The following ASL variants were observed in gnomAD, a reference collection of about 807,000 sequenced individuals.
ASL encodes argininosuccinase.
In ASL, 51 loss-of-function variants were observed where a neutral mutation model predicts 69.1. The ratio of observed to expected loss-of-function variants is 0.74; its 90% CI spans 0.59 to 0.93. The LOEUF (loss-of-function observed/expected upper bound fraction) is 0.93. Among genes scored for constraint, ASL ranks in the 40% least tolerant of loss-of-function variants. The pLI, the probability that ASL is intolerant of heterozygous loss-of-function variation, is 0.00. For synonymous variants in ASL, 241 were observed against 247.6 expected, an observed-to-expected ratio of 0.97 and a Z score of 0.25; for missense variants, 540 against 623.9, an observed-to-expected ratio of 0.87 and a Z score of 1.43.
Position 66,080,333 on chromosome 7 carries a change from C to T in ASL, c.13-1470C>T, listed in dbSNP as rs1328148170. Among the ~76,000 whole-genome samples, 6 of 142,850 alleles carry T rather than the reference C, an allele frequency of 4.2e-5. 1 individual carries two copies. The Admixed American group carries it at 4.4e-4, about 11-fold the overall frequency. The allele number at this position is 142,850 out of a possible 152,430, so 93.7% of individuals were successfully genotyped here. A position where few individuals can be genotyped will look rare whatever the true frequency, so the allele number is the denominator to read the frequency against. The stretch of plus-strand genomic sequence containing the variant: ...TCTGGGAGGTGGAGCTTGCAGTGAG[C>T]CAAGATCCTGCCACTGCACTCCAGC... On this transcript the variant is annotated intron_variant, in intron 2 of 16. Coordinates refer to ENST00000304874, the MANE Select transcript of ASL (RefSeq NM_000048.4).
rs746909164 is a variant in ASL at position 66,092,678 on chromosome 7, CT to C, written c.1250+17del. On this transcript the variant is annotated intron_variant, in intron 16 of 16. Coordinates refer to ENST00000304874, the MANE Select transcript of ASL (RefSeq NM_000048.4). The stretch of plus-strand genomic sequence containing the variant: ...CAGACCATCAGGTACGGCCCATCCC[CT>C]TCCCCATGCTGCCTCCTAGGAAGTG... The C allele has an allele frequency of 1.2e-6, 2 of 1,613,710 alleles. No individual in the cohort carries two copies. Among genetic ancestry groups the C allele is most frequent in the South Asian group, 2.2e-5 (2 of 91,076 alleles).
intron 6 of ASL, among the ~76,000 whole-genome samples, chr7:66,086,090 A>T (rs905907969): frequency 1.3e-5 from 2 of 152,132 alleles, no homozygotes; most frequent in Admixed American, 1.3e-4. Flanking sequence ...CTTGTCTCTA[A>T]AAATAAAAAC....
intron 15 of ASL, 113 bp downstream of exon 15, chr7:66,092,199 C>G: frequency 7.6e-7 from 1 of 1,312,402 alleles, no homozygotes; most frequent in South Asian, 1.2e-5. Context: ...CCCCTGTAAT[C>G]CCAGCACTTT....
rs1562741433 is a variant in ASL, at chr7:66,087,733, C to T, written c.660C>T (p.Leu220=). ...GVDRELLRAE[L]NFGAITLNSM... is the part of the protein sequence containing the mutation. The stretch of plus-strand genomic sequence containing the variant: ...TGCTTCCTCCCACCCCCCCAGAACT[C>T]AACTTTGGGGCCATCACTCTCAACA... The change falls in exon 10 of 17, where the codon CTC becomes CTT. Residue 220 remains leucine, a synonymous_variant. Coordinates refer to ENST00000304874, the MANE Select transcript of ASL (RefSeq NM_000048.4). 2 of 1,614,010 alleles carry T rather than the reference C, an allele frequency of 1.2e-6. No homozygotes were observed. The highest frequency in any genetic ancestry group is 1.3e-5 in the African/African-American group (1 of 74,904).
chr7:66,088,948 T>G (rs747165417), intron 11 of ASL, 27 bp downstream of exon 11: 2 of 1,610,686 alleles, frequency 1.2e-6, no homozygotes, highest in Non-Finnish European at 1.7e-6. Flanking sequence ...CACCTCCATC[T>G]GCCGCTGCCG....
At chr7:66,083,580 A>G (rs551141705) in intron 6 of ASL, among the ~76,000 whole-genome samples, 1 of 151,944 alleles carries the variant, frequency 6.6e-6, no homozygotes, top group South Asian at 2.1e-4. Flanking sequence ...GCTACTCGGG[A>G]GCCTGAGGCA....
chr7:66,082,948 C>T lies in ASL; in HGVS notation c.348+12C>T, dbSNP rs1374277970. Reference sequence around the variant, plus strand: ...GCCGGAATGACCAGGTGCTTTAGCCCCTCCACCCCCTGCTCCGTGTTGTCC... The same window carrying T: ...GCCGGAATGACCAGGTGCTTTAGCCTCTCCACCCCCTGCTCCGTGTTGTCC... On this transcript the variant is annotated intron_variant, in intron 5 of 16. Coordinates refer to ENST00000304874, the MANE Select transcript of ASL (RefSeq NM_000048.4). 3 of 1,613,194 alleles carry T rather than the reference C, an allele frequency of 1.9e-6. No individual in the cohort carries two copies. Among genetic ancestry groups the T allele is most frequent in the African/African-American group, 2.7e-5 (2 of 74,912 alleles).
chr7:66,085,248 G>A (rs763928689), intron 6 of ASL, among the ~76,000 whole-genome samples: 2 of 151,558 alleles, frequency 1.3e-5, no homozygotes, highest in Non-Finnish European at 2.9e-5. Context: ...AGGCTGAGGC[G>A]GGTGAATCAC....
At chr7:66,090,245 ATAAATTAAAT>A (rs929717362) in intron 14 of ASL, among the ~76,000 whole-genome samples, 91 of 152,210 alleles carry the variant, frequency 6.0e-4, no homozygotes, top group African/African-American at 2.0e-3. Context: ...CTACAAATAT[ATAAATTAAAT>A]TAAATTAAAT....
At chr7:66,083,699 A>C (rs1786580277) in intron 6 of ASL, among the ~76,000 whole-genome samples, 1 of 151,944 alleles carries the variant, frequency 6.6e-6, no homozygotes, top group Non-Finnish European at 1.5e-5. Context: ...AAAAAGAAAA[A>C]AAAAAAAGAA....
chr7:66,081,129 G>A (rs1467541226), intron 2 of ASL, among the ~76,000 whole-genome samples: 2 of 152,220 alleles, frequency 1.3e-5, no homozygotes, highest in Non-Finnish European at 2.9e-5. Flanking sequence ...TAGTGGAATT[G>A]TATTGGTGCC....
rs375514826 is a variant in ASL, at chr7:66,092,888, G to A, written c.1371G>A (p.Ala457=). ...SVDWQIRQVR[A]LLQAQQA is the part of the protein sequence containing the mutation. The stretch of plus-strand genomic sequence containing the variant: ...ACTGGCAGATCCGCCAGGTGCGGGC[G>A]CTACTGCAGGCACAGCAGGCCTAGG... The change falls in exon 17 of 17, where the codon GCG becomes GCA. Residue 457 remains alanine (A), a synonymous_variant. Transcript: ENST00000304874. The A allele has an allele frequency of 8.1e-6, 13 of 1,609,744 alleles. No individual in the cohort carries two copies. Among genetic ancestry groups the A allele is most frequent in the African/African-American group, 6.7e-5 (5 of 74,932 alleles).
intron 14 of ASL, among the ~76,000 whole-genome samples, chr7:66,090,964 G>A (rs1786823794): frequency 6.6e-6 from 1 of 152,006 alleles, no homozygotes; most frequent in South Asian, 2.1e-4. Context: ...TGGGTGTGGT[G>A]GTACACGCCT....
rs1465800300 is a variant in ASL, at chr7:66,092,578, G to A, written c.1165G>A (p.Glu389Lys). 10 of 1,610,872 alleles carry A rather than the reference G, an allele frequency of 6.2e-6. No homozygotes were observed. The East Asian group carries it at 6.7e-5, about 11-fold the overall frequency. ...CCAGATGCCATTCCGCCAGGCCCAC[G>A]AGGCCTCCGGGAAAGCTGTGTTCAT... Reference protein sequence around the residue: ...RKGMPFRQAHEASGKAVFMAE... With the variant: ...RKGMPFRQAHKASGKAVFMAE... The change falls in exon 16 of 17, where the codon GAG (glutamate) becomes AAG (lysine). Residue 389 changes from glutamate to lysine, a missense_variant. Physicochemically the swap from Glu to Lys is moderately conservative, Grantham distance 56. Transcript: ENST00000304874.
intron 2 of ASL, among the ~76,000 whole-genome samples, chr7:66,076,813 G>T (rs189762174): frequency 2.0e-5 from 3 of 152,312 alleles, no homozygotes; most frequent in Admixed American, 2.0e-4. Flanking sequence ...GGACCCTTCA[G>T]GTGAGAGGGG....
intron 8 of ASL, 110 bp from the exon 9 acceptor site, chr7:66,087,224 G>A: frequency 7.4e-7 from 1 of 1,351,474 alleles, no homozygotes; most frequent in Non-Finnish European, 1.0e-6. Context: ...ACCAGGACTT[G>A]GTTCTCTGTG....
intron 2 of ASL, among the ~76,000 whole-genome samples, chr7:66,080,125 G>A (rs143853279): frequency 1.6e-3 from 236 of 151,856 alleles, no homozygotes; most frequent in East Asian, 9.0e-3. Context: ...GCTCACACCC[G>A]TAATCCCAGG....
chr7:66,084,937 T>C (rs1786617059), intron 6 of ASL, among the ~76,000 whole-genome samples: 2 of 151,896 alleles, frequency 1.3e-5, no homozygotes, highest in African/African-American at 4.8e-5. Flanking sequence ...TTTAAATTTT[T>C]TGTAGAAACA....
chr7:66,088,795 C>A lies in ASL; in HGVS notation c.719-12C>A, dbSNP rs578174223. 51 of 1,608,798 alleles carry A rather than the reference C, an allele frequency of 3.2e-5. No individual in the cohort carries two copies. The African/African-American group carries it at 3.7e-4, about 12-fold the overall frequency. On this transcript the variant is annotated splice_polypyrimidine_tract_variant and intron_variant, in intron 10 of 16. Transcript: ENST00000304874. ...TGGGAGAGGCCTGGTGACTGGGAAC[C>A]TTTTCTCCCAGCCGAGTTCCTGTTC...
Sources: gnomAD v4.1 joint callset for allele counts (sites outside exome capture counted in the v4.1 genomes callset) on GRCh38, gnomAD v4.1.1 for gene constraint, MANE v1.5 for transcripts, NCBI Gene and HGNC (gene_info 2026-07-23, HGNC 2026-07-21) for gene names.